Variants in LYPD6 observed in about 807,000 individuals in gnomAD.
The protein encoded by LYPD6 is LY6/PLAUR domain containing 6.
In LYPD6, 15 loss-of-function variants were observed where a neutral mutation model predicts 22.7. The observed-to-expected ratio is 0.66, with a 90% CI of 0.44 to 1.02. LYPD6 has a LOEUF of 1.02. LYPD6 is among the 50% of genes least tolerant of loss of function. The pLI, the probability that LYPD6 is intolerant of heterozygous loss-of-function variation, is 0.00. For missense variants in LYPD6, 189 were observed against 208.4 expected, an observed-to-expected ratio of 0.91 and a Z score of 0.57; for synonymous variants, 72 against 77.5, an observed-to-expected ratio of 0.93 and a Z score of 0.37.
chr2:149,414,241 A>G (rs1682914571), intron 1 of LYPD6, among the ~76,000 whole-genome samples: 2 of 152,196 alleles, frequency 1.3e-5, no homozygotes, highest in African/African-American at 4.8e-5. Context: ...ATAATTTTAA[A>G]GTGATTTTAT....
intron 1 of LYPD6, among the ~76,000 whole-genome samples, chr2:149,362,646 G>A (rs1293938157): frequency 6.6e-6 from 1 of 152,028 alleles, no homozygotes; most frequent in Non-Finnish European, 1.5e-5. Flanking sequence ...CATCTGCTGG[G>A]GGCCTTTTTG....
chr2:149,390,184 G>A (rs530705575), intron 1 of LYPD6, among the ~76,000 whole-genome samples: 1 of 152,212 alleles, frequency 6.6e-6, no homozygotes, highest in Non-Finnish European at 1.5e-5. Context: ...AGAAGTCTTG[G>A]TCAGTTTTGA....
chr2:149,476,936 G>T (rs1311170814), downstream of LYPD6, among the ~76,000 whole-genome samples: 1 of 152,158 alleles, frequency 6.6e-6, no homozygotes, highest in African/African-American at 2.4e-5. Context: ...TCACACAGTG[G>T]CGTGTGAAGA....
chr2:149,440,550 A>G lies in LYPD6; in HGVS notation c.118+2724A>G, dbSNP rs991150598. On this transcript the variant is annotated intron_variant, in intron 2 of 4. Transcript: ENST00000334166. ...TGTTCCTAAGTGAGATTATAAGTAG[A>G]TGATTCACCAGCAGATCAGGGTCCA... 3.3e-5 allele frequency: 5 copies of G among 152,144 alleles called. No individual in the cohort carries two copies. In the East Asian group the frequency reaches 9.6e-4, roughly 29 times the overall value. The allele number at this position is 152,144 out of a possible 1,614,324, so 9.4% of individuals were successfully genotyped here. A position where few individuals can be genotyped will look rare whatever the true frequency, so the allele number is the denominator to read the frequency against.
intron 1 of LYPD6, among the ~76,000 whole-genome samples, chr2:149,419,842 G>A (rs1434531632): frequency 6.6e-6 from 1 of 152,114 alleles, no homozygotes; most frequent in Non-Finnish European, 1.5e-5. Flanking sequence ...GTGTGTGTGT[G>A]TGTGTGTGTC....
At chr2:149,402,933 A>G (rs961651863) in intron 1 of LYPD6, among the ~76,000 whole-genome samples, 69 of 133,824 alleles carry the variant, frequency 5.2e-4, no homozygotes, top group Non-Finnish European at 9.0e-4. Context: ...TCCTGTGTCC[A>G]TGTGTTCTCA....
chr2:149,472,258 A>G lies in LYPD6; in HGVS notation c.*1408A>G, dbSNP rs1681353159. ...GAAAGTTATCTATAATACTTGCACCAGTGTTGAAAAAAGTTAACATGTAGG... is the reference window on the plus strand; with the variant it reads ...GAAAGTTATCTATAATACTTGCACCGGTGTTGAAAAAAGTTAACATGTAGG... On this transcript the variant is annotated 3_prime_UTR_variant, in exon 5 of 5. Coordinates refer to ENST00000334166, the MANE Select transcript of LYPD6 (RefSeq NM_194317.5). 3 of 152,212 alleles carry G rather than the reference A, an allele frequency of 2.0e-5. No homozygotes were observed. The highest frequency in any genetic ancestry group is 6.5e-5 in the Admixed American group (1 of 15,270). The allele number at this position is 152,212 out of a possible 1,614,324, so 9.4% of individuals were successfully genotyped here.
intron 1 of LYPD6, among the ~76,000 whole-genome samples, chr2:149,335,120 G>T (rs143607030): frequency 6.6e-6 from 1 of 151,862 alleles, no homozygotes; most frequent in Non-Finnish European, 1.5e-5. Context: ...CATTATCTTA[G>T]AGAGAACTCC....
chr2:149,415,364 A>G (rs946594890), intron 1 of LYPD6, among the ~76,000 whole-genome samples: 1 of 152,158 alleles, frequency 6.6e-6, no homozygotes, highest in Non-Finnish European at 1.5e-5. Flanking sequence ...CCTGGCTGAA[A>G]AAGGAGGATG....
At chr2:149,484,803 TA>T in the LYPD6 span, among the ~76,000 whole-genome samples, 5 of 150,748 alleles carry the variant, frequency 3.3e-5, no homozygotes, top group African/African-American at 4.9e-5. Flanking sequence ...TAATTTAGGT[TA>T]AAAAAAAAGG....
chr2:149,481,555 AC>A, the LYPD6 span, among the ~76,000 whole-genome samples: 1 of 152,214 alleles, frequency 6.6e-6, no homozygotes, highest in African/African-American at 2.4e-5. Flanking sequence ...ACAAAACAAA[AC>A]AAAAAACAAA....
intron 1 of LYPD6, among the ~76,000 whole-genome samples, chr2:149,332,727 TA>T (rs1365619111): frequency 6.6e-6 from 1 of 152,206 alleles, no homozygotes; most frequent in Non-Finnish European, 1.5e-5. Context: ...CACCTCTTTT[TA>T]CTGTTTAACC....
At chr2:149,438,368 T>C (rs1194042766) in intron 2 of LYPD6, among the ~76,000 whole-genome samples, 1 of 152,242 alleles carries the variant, frequency 6.6e-6, no homozygotes, top group Non-Finnish European at 1.5e-5. Context: ...AGGCTGTACC[T>C]GTGCATTTTT....
intron 1 of LYPD6, among the ~76,000 whole-genome samples, chr2:149,395,557 T>C (rs1444384382): frequency 6.6e-6 from 1 of 152,298 alleles, no homozygotes. Context: ...AATTCCTTCA[T>C]TGATTCGAGT....
chr2:149,348,266 T>G (rs1434520549), intron 1 of LYPD6, among the ~76,000 whole-genome samples: 1 of 152,106 alleles, frequency 6.6e-6, no homozygotes, highest in African/African-American at 2.4e-5. Flanking sequence ...ATTCCTGTCC[T>G]GGTAGAGCTT....
intron 1 of LYPD6, among the ~76,000 whole-genome samples, chr2:149,355,283 G>C (rs1681430334): frequency 6.6e-6 from 1 of 152,110 alleles, no homozygotes; most frequent in Admixed American, 6.6e-5. Context: ...ATCACCTTTT[G>C]CTAAAATGCA....
rs149691611 is a variant in LYPD6 at position 149,449,229 on chromosome 2, G to C, written c.217+82G>C. On this transcript the variant is annotated intron_variant, in intron 3 of 4. Coordinates refer to ENST00000334166, the MANE Select transcript of LYPD6 (RefSeq NM_194317.5). ...TTTTGACTTTGGTGATGTATAAAGA[G>C]AGGCATGCTTGCAATCTCAGCTGCT... 179 of 862,920 alleles carry C rather than the reference G, an allele frequency of 2.1e-4. 1 individual carries two copies. The African/African-American group carries it at 2.7e-3, about 13-fold the overall frequency. The allele number at this position is 862,920 out of a possible 1,614,324, so 53.5% of individuals were successfully genotyped here. A position where few individuals can be genotyped will look rare whatever the true frequency, so the allele number is the denominator to read the frequency against.
downstream of LYPD6, among the ~76,000 whole-genome samples, chr2:149,475,430 AT>A (rs1389606964): frequency 6.6e-6 from 1 of 152,152 alleles, no homozygotes; most frequent in East Asian, 1.9e-4. Flanking sequence ...TGGGCCTATG[AT>A]TTTTTTAAAA....
chr2:149,355,074 A>G (rs984532994), intron 1 of LYPD6, among the ~76,000 whole-genome samples: 5 of 152,204 alleles, frequency 3.3e-5, no homozygotes, highest in African/African-American at 7.2e-5. Flanking sequence ...TATTTTTCCT[A>G]TGGGATAAAA....
Sources: gnomAD v4.1 joint callset for allele counts (sites outside exome capture counted in the v4.1 genomes callset) on GRCh38, gnomAD v4.1.1 for gene constraint, MANE v1.5 for transcripts, NCBI Gene and HGNC (gene_info 2026-07-23, HGNC 2026-07-21) for gene names.